The following SPOCK3 variants were observed in gnomAD, a reference collection of about 807,000 sequenced individuals.
The protein encoded by SPOCK3 is testican-3.
A neutral mutation model predicts 56.6 loss-of-function variants in SPOCK3; 30 were observed. The ratio of observed to expected loss-of-function variants is 0.53; its 90% confidence interval spans 0.40 to 0.72. The LOEUF (loss-of-function observed/expected upper bound fraction) is 0.72, where lower values mean the gene tolerates loss of function less well. SPOCK3 is among the 30% of genes least tolerant of loss of function. The pLI is 0.00. For missense variants in SPOCK3, 527 were observed against 530.0 expected (o/e 0.99, Z 0.06); for synonymous variants, 196 against 183.3 (o/e 1.07, Z -0.56).
chr4:167,107,871 G>C (rs530335688), intron 2 of SPOCK3, among the ~76,000 whole-genome samples: 1 of 151,768 alleles, frequency 6.6e-6, no homozygotes, highest in Admixed American at 6.6e-5. Context: ...TAAATACCTA[G>C]GAATTAATTT....
At chr4:166,809,790 G>A (rs559700939) in intron 6 of SPOCK3, among the ~76,000 whole-genome samples, 66 of 151,994 alleles carry the variant, frequency 4.3e-4, no homozygotes, top group Non-Finnish European at 5.1e-4. Flanking sequence ...AGTTGTTCTG[G>A]CTTCCCAGCT....
intron 3 of SPOCK3, among the ~76,000 whole-genome samples, chr4:167,021,708 T>C (rs951356285): frequency 2.0e-5 from 3 of 151,696 alleles, no homozygotes; most frequent in South Asian, 2.1e-4. Context: ...GAACGACCCA[T>C]ATCTATACAA....
chr4:166,889,039 C>T (rs553568567), intron 6 of SPOCK3, 91 bp downstream of exon 6: 47 of 784,810 alleles, frequency 6.0e-5, no homozygotes, highest in Admixed American at 2.5e-4. Flanking sequence ...TAAAAACAAA[C>T]TTCATTGTGT....
At chr4:167,127,521 G>T (rs1762378677) in intron 2 of SPOCK3, among the ~76,000 whole-genome samples, 1 of 151,728 alleles carries the variant, frequency 6.6e-6, no homozygotes, top group African/African-American at 2.4e-5. Flanking sequence ...TCTGGTTCCC[G>T]GGTTCAAGCA....
At chr4:167,050,721 C>G (rs10006283) in intron 3 of SPOCK3, among the ~76,000 whole-genome samples, 13,599 of 152,148 alleles carry the variant, frequency 0.089, 753 homozygotes, top group African/African-American at 0.16. Context: ...GCCTTAAAAA[C>G]TGGGAAATTC....
At position 167,179,455 on chromosome 4, in the gene SPOCK3, A is replaced by G. The variant is rs147057742; in HGVS notation, c.189+54530T>C. Among the ~76,000 whole-genome samples, 624 of 152,336 alleles carry G rather than the reference A, an allele frequency of 4.1e-3. 2 individuals are homozygous for G. Among genetic ancestry groups the G allele is most frequent in the African/African-American group, 0.015 (606 of 41,572 alleles). On this transcript the variant is annotated intron_variant, in intron 2 of 10. Coordinates refer to ENST00000357545, the MANE Select transcript of SPOCK3 (RefSeq NM_001040159.2). ...TCTACTTCCCATTCTTTCCCTGAGC[A>G]GTTTTGGTTCCACAAAACTCTTTGA...
intron 7 of SPOCK3, among the ~76,000 whole-genome samples, chr4:166,762,783 T>C (rs966358447): frequency 5.3e-5 from 8 of 152,092 alleles, no homozygotes; most frequent in African/African-American, 1.9e-4. Flanking sequence ...TAAAAGCACA[T>C]TGGACACTTC....
At chr4:167,010,975 T>C (rs1749986827) in intron 3 of SPOCK3, among the ~76,000 whole-genome samples, 1 of 152,046 alleles carries the variant, frequency 6.6e-6, no homozygotes, top group South Asian at 2.1e-4. Flanking sequence ...TTGCTGGTGG[T>C]GCATGTAAAC....
chr4:166,740,964 T>C (rs888965199), intron 9 of SPOCK3, among the ~76,000 whole-genome samples: 4 of 152,206 alleles, frequency 2.6e-5, no homozygotes, highest in African/African-American at 7.2e-5. Context: ...ATTAAACTTT[T>C]AATTTTGTAC....
intron 4 of SPOCK3, among the ~76,000 whole-genome samples, chr4:166,934,446 C>T (rs560294356): frequency 7.2e-5 from 11 of 151,862 alleles, no homozygotes; most frequent in Non-Finnish European, 1.3e-4. Flanking sequence ...TGCAGTGAGC[C>T]GAGATCGCGC....
chr4:167,158,211 T>C lies in SPOCK3; in HGVS notation c.189+75774A>G, dbSNP rs188885901. On this transcript the variant is annotated intron_variant, in intron 2 of 10. Transcript: ENST00000357545. ...TTTTAATCTCTAACCTTAAATGAGA[T>C]GTTTTTTAAAAAATATAGAAATAGG... Among the ~76,000 whole-genome samples, 1,023 of 152,118 alleles carry C rather than the reference T, an allele frequency of 6.7e-3. 18 individuals are homozygous for C. Among genetic ancestry groups the C allele is most frequent in the Admixed American group, 0.047 (717 of 15,224 alleles).
At chr4:166,887,757 G>T (rs1396706545) in intron 6 of SPOCK3, among the ~76,000 whole-genome samples, 1 of 151,630 alleles carries the variant, frequency 6.6e-6, no homozygotes, top group African/African-American at 2.4e-5. Context: ...CATATATGTT[G>T]CAGTTTATAC....
At chr4:167,097,625 G>A (rs764341902) in intron 2 of SPOCK3, among the ~76,000 whole-genome samples, 3 of 151,878 alleles carry the variant, frequency 2.0e-5, no homozygotes, top group African/African-American at 4.8e-5. Context: ...ATTGCATGAT[G>A]CTGAGGCTTG....
At chr4:167,234,263 T>G in intron 1 of SPOCK3, 90 bp from the exon 2 acceptor site, 1,966 of 1,087,034 alleles carry the variant, frequency 1.8e-3, no homozygotes, top group Non-Finnish European at 2.4e-3. Flanking sequence ...AAACATGCAT[T>G]AGCAACGACG....
At chr4:166,923,992 C>T (rs548352067) in intron 4 of SPOCK3, among the ~76,000 whole-genome samples, 4 of 152,156 alleles carry the variant, frequency 2.6e-5, no homozygotes, top group South Asian at 2.1e-4. Context: ...ATTTAGCAGT[C>T]GTGGTCACTG....
At chr4:167,227,120 T>C (rs1338568747) in intron 2 of SPOCK3, among the ~76,000 whole-genome samples, 7 of 152,124 alleles carry the variant, frequency 4.6e-5, no homozygotes, top group Non-Finnish European at 1.5e-5. Flanking sequence ...AACACAATTA[T>C]GTTGTTGAAG....
chr4:167,055,683 C>T (rs537478754), intron 3 of SPOCK3, among the ~76,000 whole-genome samples: 5 of 152,166 alleles, frequency 3.3e-5, no homozygotes, highest in Admixed American at 6.5e-5. Flanking sequence ...CCTACGCCCA[C>T]GGAGTCTCAC....
intron 6 of SPOCK3, among the ~76,000 whole-genome samples, chr4:166,864,446 A>G (rs1443696009): frequency 2.0e-5 from 3 of 152,198 alleles, no homozygotes; most frequent in Non-Finnish European, 4.4e-5. Flanking sequence ...GAAGAACTGA[A>G]GGAGATAGAG....
chr4:166,896,555 G>A (rs1302998707), intron 5 of SPOCK3, among the ~76,000 whole-genome samples: 1 of 152,148 alleles, frequency 6.6e-6, no homozygotes, highest in African/African-American at 2.4e-5. Flanking sequence ...AGCACAGGCT[G>A]TGTGGCCTCC....
Sources: gnomAD v4.1 joint callset for allele counts (sites outside exome capture counted in the v4.1 genomes callset) on GRCh38, gnomAD v4.1.1 for gene constraint, MANE v1.5 for transcripts, NCBI Gene and HGNC (gene_info 2026-07-23, HGNC 2026-07-21) for gene names.